Variants in GABRG3 observed in about 807,000 individuals in gnomAD.
The protein encoded by GABRG3 is gamma-aminobutyric acid receptor subunit gamma-3.
A neutral mutation model predicts 48.8 loss-of-function variants in GABRG3; 25 were observed. That is an observed-to-expected ratio of 0.51 (90% CI 0.37 to 0.72). The LOEUF (loss-of-function observed/expected upper bound fraction) is 0.72. Ranked by LOEUF, GABRG3 falls within the 30% of genes least tolerant of loss-of-function variation. The pLI is 0.00. For synonymous variants in GABRG3, 227 were observed against 217.6 expected (o/e 1.04, Z -0.38); for missense variants, 394 against 577.9 (o/e 0.68, Z 3.26).
At chr15:27,434,525 T>TTA (rs925572497) in intron 5 of GABRG3, among the ~76,000 whole-genome samples, 38 of 152,068 alleles carry the variant, frequency 2.5e-4, no homozygotes, top group Non-Finnish European at 4.6e-4. Flanking sequence ...TAATTATACA[T>TTA]TATATATATA....
intron 6 of GABRG3, among the ~76,000 whole-genome samples, chr15:27,505,684 T>C (rs1890743285): frequency 6.6e-6 from 1 of 152,166 alleles, no homozygotes; most frequent in South Asian, 2.1e-4. Context: ...ATTATTCTGT[T>C]GGTGATTTTT....
intron 3 of GABRG3, among the ~76,000 whole-genome samples, chr15:27,296,345 G>C (rs1469645538): frequency 6.6e-6 from 1 of 152,076 alleles, no homozygotes; most frequent in South Asian, 2.1e-4. Flanking sequence ...ATAACATATA[G>C]AAATGTCATA....
intron 2 of GABRG3, among the ~76,000 whole-genome samples, chr15:26,993,806 T>C (rs1254614506): frequency 6.6e-6 from 1 of 152,034 alleles, no homozygotes; most frequent in Non-Finnish European, 1.5e-5. Flanking sequence ...GGCATTGAAG[T>C]CTCCAGCTAT....
intron 3 of GABRG3, among the ~76,000 whole-genome samples, chr15:27,238,175 C>T (rs925317299): frequency 6.8e-5 from 7 of 103,636 alleles, no homozygotes; most frequent in African/African-American, 1.9e-4. Context: ...TGTTTCCTAT[C>T]AGTTATGTGA....
intron 3 of GABRG3, among the ~76,000 whole-genome samples, chr15:27,262,089 G>A (rs1890786147): frequency 6.6e-6 from 1 of 152,172 alleles, no homozygotes. Flanking sequence ...CATTAGAGCA[G>A]AAGTCAATGA....
intron 2 of GABRG3, among the ~76,000 whole-genome samples, chr15:27,004,758 A>G (rs1895550110): frequency 6.6e-6 from 1 of 152,174 alleles, no homozygotes. Context: ...ATTATGATAA[A>G]CAACACCAAT....
chr15:27,127,844 G>GTC (rs1897847889), intron 3 of GABRG3, among the ~76,000 whole-genome samples: 1 of 152,226 alleles, frequency 6.6e-6, no homozygotes, highest in Non-Finnish European at 1.5e-5. Flanking sequence ...ACAGCACACA[G>GTC]TCGGCAGTAA....
intron 3 of GABRG3, among the ~76,000 whole-genome samples, chr15:27,119,073 C>A (rs1435628492): frequency 1.3e-5 from 2 of 152,168 alleles, no homozygotes; most frequent in African/African-American, 2.4e-5. Flanking sequence ...CAGCGGTATT[C>A]TCCCTGTACC....
At chr15:27,507,600 T>C (rs1309642739) in intron 6 of GABRG3, among the ~76,000 whole-genome samples, 1 of 152,206 alleles carries the variant, frequency 6.6e-6, no homozygotes. Context: ...CCGAACATTC[T>C]ATATGTATTT....
intron 5 of GABRG3, among the ~76,000 whole-genome samples, chr15:27,389,394 T>C (rs965495229): frequency 6.6e-6 from 1 of 152,252 alleles, no homozygotes; most frequent in Non-Finnish European, 1.5e-5. Flanking sequence ...TTTAAGTTTT[T>C]CCTGCACCAC....
chr15:27,336,071 C>T (rs1365323497), intron 5 of GABRG3, among the ~76,000 whole-genome samples: 3 of 152,004 alleles, frequency 2.0e-5, no homozygotes, highest in Non-Finnish European at 4.4e-5. Flanking sequence ...TGCCTGTAAT[C>T]CCAGCTACTT....
chr15:27,496,432 T>C (rs755819317), intron 6 of GABRG3, among the ~76,000 whole-genome samples: 6 of 152,326 alleles, frequency 3.9e-5, no homozygotes, highest in South Asian at 2.1e-4. Flanking sequence ...TCAGCCTTTG[T>C]TGGGCATTGC....
chr15:27,403,944 G>A (rs1291854936), intron 5 of GABRG3, among the ~76,000 whole-genome samples: 1 of 143,292 alleles, frequency 7.0e-6, no homozygotes, highest in Non-Finnish European at 1.5e-5. Context: ...AAAAAAAACC[G>A]GGCTTGGTAG....
At chr15:27,337,336 G>A (rs114109649) in intron 5 of GABRG3, among the ~76,000 whole-genome samples, 4,932 of 152,218 alleles carry the variant, frequency 0.032, 112 homozygotes, top group African/African-American at 0.061. Context: ...AAGGGAACAG[G>A]TGGAGTTAAT....
At chr15:27,293,665 G>A (rs1443630377) in intron 3 of GABRG3, among the ~76,000 whole-genome samples, 2 of 151,268 alleles carry the variant, frequency 1.3e-5, no homozygotes, top group Admixed American at 1.3e-4. Context: ...GCAACAGAGT[G>A]AGATTCTGTC....
At chr15:27,477,441 G>C (rs1431695402) in intron 5 of GABRG3, among the ~76,000 whole-genome samples, 2 of 152,152 alleles carry the variant, frequency 1.3e-5, no homozygotes, top group Admixed American at 1.3e-4. Context: ...TGAATAGGTG[G>C]AGCACAGGGG....
chr15:27,425,168 T>C (rs1208952482), intron 5 of GABRG3, among the ~76,000 whole-genome samples: 1 of 152,192 alleles, frequency 6.6e-6, no homozygotes, highest in Non-Finnish European at 1.5e-5. Flanking sequence ...GGCCCCTGGC[T>C]TGTTGACTGC....
At chr15:27,285,331 A>G (rs1331496003) in intron 3 of GABRG3, among the ~76,000 whole-genome samples, 2 of 149,402 alleles carry the variant, frequency 1.3e-5, no homozygotes, top group Non-Finnish European at 3.0e-5. Flanking sequence ...AAGTCACCTT[A>G]TCTGTAATCT....
chr15:26,999,530 TCTC>T (rs1895406292), intron 2 of GABRG3, among the ~76,000 whole-genome samples: 1 of 152,172 alleles, frequency 6.6e-6, no homozygotes, highest in Non-Finnish European at 1.5e-5. Flanking sequence ...TTTAAGTTCT[TCTC>T]CTTACTACTG....
Sources: gnomAD v4.1 joint callset for allele counts (sites outside exome capture counted in the v4.1 genomes callset) on GRCh38, gnomAD v4.1.1 for gene constraint, MANE v1.5 for transcripts, NCBI Gene and HGNC (gene_info 2026-07-23, HGNC 2026-07-21) for gene names.